Variants in NTRK1 observed in about 807,000 individuals in gnomAD.
NTRK1 encodes the protein high affinity nerve growth factor receptor.
A neutral mutation model predicts 86.8 loss-of-function variants in NTRK1; 62 were observed. The ratio of observed to expected loss-of-function variants is 0.71; its 90% CI spans 0.58 to 0.88. The LOEUF (loss-of-function observed/expected upper bound fraction) is 0.88. NTRK1 is among the 40% of genes least tolerant of loss of function. NTRK1 has a pLI of 0.00. For synonymous variants in NTRK1, 469 were observed against 456.6 expected (o/e 1.03, Z -0.35); for missense variants, 967 against 1,078.4 (o/e 0.90, Z 1.45).
Position 156,854,082 on chromosome 1 carries a change from C to A in NTRK1, c.51-10272C>A. On this transcript the variant is annotated intron_variant, in intron 2 of 16. Transcript: ENST00000392302. This position sits in a 1 kb window ranked among gnomAD's most constrained non-coding sequence, Gnocchi z 4.2. ...AGGAAGAGGCGCGTCCCGCGGATGACTGCTAGGTTGGGGAAGAGGTCGCGC... is the reference window on the plus strand; with the variant it reads ...AGGAAGAGGCGCGTCCCGCGGATGAATGCTAGGTTGGGGAAGAGGTCGCGC... The A allele has an allele frequency of 6.2e-7, 1 of 1,614,112 alleles. No individual in the cohort carries two copies. The highest frequency in any genetic ancestry group is 2.2e-5 in the East Asian group (1 of 44,892).
At chr1:156,822,531 C>T (rs1218962052) in intron 1 of NTRK1, among the ~76,000 whole-genome samples, 1 of 148,306 alleles carries the variant, frequency 6.7e-6, no homozygotes, top group Non-Finnish European at 1.5e-5. Flanking sequence ...CACTGCACTC[C>T]AGTCTGGATG....
intron 1 of NTRK1, among the ~76,000 whole-genome samples, chr1:156,821,642 C>T (rs902657791): frequency 1.3e-5 from 2 of 152,170 alleles, no homozygotes; most frequent in Non-Finnish European, 2.9e-5. Context: ...AAAAAACAGA[C>T]GCAAACAATG....
chr1:156,875,501 G>A lies in NTRK1; in HGVS notation c.1355-19G>A, dbSNP rs375972171. 2.8e-5 allele frequency: 45 copies of A among 1,613,478 alleles called. No individual in the cohort carries two copies. The East Asian group carries it at 2.9e-4, about 10-fold the overall frequency. On this transcript the variant is annotated intron_variant, in intron 11 of 16. Coordinates refer to ENST00000524377, the MANE Select transcript of NTRK1 (RefSeq NM_002529.4). The stretch of plus-strand genomic sequence containing the variant: ...AAGGTGTGGGCAAACCCCTCCATGC[G>A]GCTGTGTCTCCTCTCTAGGCCCGGC...
At chr1:156,830,789 A>G (rs1654450828) in intron 1 of NTRK1, among the ~76,000 whole-genome samples, 1 of 152,124 alleles carries the variant, frequency 6.6e-6, no homozygotes, top group Non-Finnish European at 1.5e-5. Flanking sequence ...TCCTGACCTC[A>G]GGTGATCCGG....
intron 2 of NTRK1, chr1:156,849,567 AG>A: frequency 1.3e-6 from 1 of 779,208 alleles, no homozygotes; most frequent in Non-Finnish European, 2.1e-6. Flanking sequence ...GCCCGGGGAG[AG>A]GGGCACTCAG....
intron 2 of NTRK1, chr1:156,849,302 C>T (rs201179362): frequency 2.5e-6 from 4 of 1,613,830 alleles, no homozygotes; most frequent in South Asian, 1.1e-5. Context: ...CTGCCGACCT[C>T]GCGTGCCTGT....
intron 2 of NTRK1, chr1:156,848,803 G>A: frequency 7.9e-7 from 1 of 1,263,078 alleles, no homozygotes; most frequent in Non-Finnish European, 1.1e-6. Context: ...CAACTTGCGG[G>A]TCCTGGCTTC....
At chr1:156,844,504 C>T (rs1654916463) in intron 2 of NTRK1, 1 of 1,614,010 alleles carries the variant, frequency 6.2e-7, no homozygotes, top group African/African-American at 1.3e-5. Context: ...GTCCAAGAGC[C>T]ATTGCCAGCC....
At chr1:156,857,482 G>A (rs1434523647), upstream of NTRK1, among the ~76,000 whole-genome samples, 1 of 152,146 alleles carries the variant, frequency 6.6e-6, no homozygotes, top group Non-Finnish European at 1.5e-5. Context: ...GAACATCTGG[G>A]TCCCCTGAGC....
At chr1:156,844,764 T>A in intron 2 of NTRK1, 1 of 1,614,144 alleles carries the variant, frequency 6.2e-7, no homozygotes, top group Non-Finnish European at 8.5e-7. Flanking sequence ...TGGGGTCTGG[T>A]GGCTCGAGCC....
At chr1:156,858,212 C>T (rs890006567), upstream of NTRK1, among the ~76,000 whole-genome samples, 1 of 152,186 alleles carries the variant, frequency 6.6e-6, no homozygotes, top group Non-Finnish European at 1.5e-5. Context: ...TTCAGTGGCC[C>T]TAGAGATGAC....
In NTRK1 at chr1:156,854,435, G is replaced by A; in HGVS notation, c.51-9919G>A. On this transcript the variant is annotated intron_variant, in intron 2 of 16. Transcript: ENST00000392302. The surrounding 1 kb of genome is among the most constrained non-coding windows in gnomAD (Gnocchi z 4.2). ...AGGAGCCGGGCTCTGCTCTGGGTGT[G>A]GGGTGGCCTCCTTCCTGGGCCCCGG... 1 of 997,218 alleles carries A rather than the reference G, an allele frequency of 1.0e-6. No individual in the cohort carries two copies. The highest frequency in any genetic ancestry group is 1.4e-6 in the Non-Finnish European group (1 of 696,358). 61.8% of individuals were successfully genotyped at this position (997,218 alleles called of 1,614,324 possible).
At chr1:156,860,821 T>G (rs965818436), upstream of NTRK1, 13 of 1,342,990 alleles carry the variant, frequency 9.7e-6, no homozygotes, top group Non-Finnish European at 1.2e-5. Flanking sequence ...CTCCGCCCTT[T>G]CCTGGCGGCT....
At chr1:156,864,701 G>T (rs975331745) in intron 2 of NTRK1, 27 bp from the exon 3 acceptor site, 2 of 1,612,970 alleles carry the variant, frequency 1.2e-6, no homozygotes, top group East Asian at 2.2e-5. Flanking sequence ...GAGACCTGGG[G>T]ACTGATCCTC....
chr1:156,836,582 C>T lies in NTRK1; in HGVS notation c.-63-5499C>T, dbSNP rs139791592. On this transcript the variant is annotated intron_variant, in intron 1 of 16. Coordinates refer to the NTRK1 transcript ENST00000392302. ...GGTCCTGGAACTTCAGTCCTATCTT[C>T]ACCCTGTGAGTGCCTCCCTTATGCC... Among the ~76,000 whole-genome samples the T allele has an allele frequency of 4.2e-3, 634 of 152,278 alleles. 5 individuals are homozygous for T. Among genetic ancestry groups the T allele is most frequent in the African/African-American group, 0.015 (614 of 41,548 alleles).
At chr1:156,858,704 C>A, upstream of NTRK1, 1 of 1,172,550 alleles carries the variant, frequency 8.5e-7, no homozygotes, top group Non-Finnish European at 1.3e-6. Context: ...CTAAGGGACA[C>A]AGAGACCAGG....
intron 2 of NTRK1, chr1:156,852,176 T>C: frequency 6.2e-7 from 1 of 1,601,540 alleles, no homozygotes; most frequent in Non-Finnish European, 8.5e-7. Context: ...AGCCATCCCA[T>C]GGGGGCAGGG....
intron 1 of NTRK1, among the ~76,000 whole-genome samples, chr1:156,861,520 T>G (rs1655653497): frequency 6.6e-6 from 1 of 152,198 alleles, no homozygotes; most frequent in Admixed American, 6.5e-5. Context: ...AGTCCCCAGT[T>G]TGTCACCCTT....
chr1:156,837,391 C>T lies in NTRK1; in HGVS notation c.-63-4690C>T, dbSNP rs114762406. Among the ~76,000 whole-genome samples the T allele has an allele frequency of 6.9e-3, 1,044 of 152,374 alleles. 15 individuals carry two copies. The highest frequency in any genetic ancestry group is 0.024 in the African/African-American group (982 of 41,578). On this transcript the variant is annotated intron_variant, in intron 1 of 16. Coordinates refer to the NTRK1 transcript ENST00000392302. ...ATTCAAGAGGATGCTACATTCCCCA[C>T]TCTCTCCAGCAGTGGATGGTGCCAC...
Sources: allele counts gnomAD v4.1 joint callset (sites outside exome capture counted in the v4.1 genomes callset), GRCh38; gene constraint gnomAD v4.1.1; non-coding constraint Gnocchi (gnomAD v3.1); transcripts MANE v1.5; gene names NCBI Gene and HGNC (gene_info 2026-07-23, HGNC 2026-07-21).